Variants in CADM2 observed in about 807,000 individuals in gnomAD.
The protein encoded by CADM2 is immunoglobulin superfamily member 4D.
A neutral mutation model predicts 49.8 loss-of-function variants in CADM2; 12 were observed. The ratio of observed to expected loss-of-function variants is 0.24; its 90% CI spans 0.15 to 0.39. CADM2 has a LOEUF of 0.39. Ranked by LOEUF, CADM2 falls within the 10% of genes least tolerant of loss-of-function variation. The pLI is 1.00. For missense variants in CADM2, 378 were observed against 492.3 expected (o/e 0.77, Z 2.20); for synonymous variants, 214 against 175.4 (o/e 1.22, Z -1.74).
rs35485915 is a variant in CADM2 at position 85,427,160 on chromosome 3, C to CTATATATA, written c.62-299328_62-299321dup. ...AACATTACTCACTGATGTATTGGAA[C>CTATATATA]TATATATATATATATATATATATAT... On this transcript the variant is annotated intron_variant, in intron 1 of 9. Coordinates refer to ENST00000383699, the MANE Select transcript of CADM2 (RefSeq NM_001167675.2). Among the ~76,000 whole-genome samples, 120 of 113,666 alleles carry CTATATATA rather than the reference C, an allele frequency of 1.1e-3. 4 individuals are homozygous for CTATATATA. Among genetic ancestry groups the CTATATATA allele is most frequent in the African/African-American group, 2.6e-3 (54 of 20,462 alleles). 74.6% of individuals were successfully genotyped at this position (113,666 alleles called of 152,430 possible). A position where few individuals can be genotyped will look rare whatever the true frequency, so the allele number is the denominator to read the frequency against.
chr3:85,700,261 C>G (rs950307937), intron 1 of CADM2, among the ~76,000 whole-genome samples: 2 of 152,120 alleles, frequency 1.3e-5, no homozygotes, highest in African/African-American at 4.8e-5. Flanking sequence ...TGCATGTTCT[C>G]ACTCATAAAT....
At chr3:85,092,715 C>T (rs1158005834) in intron 1 of CADM2, among the ~76,000 whole-genome samples, 1 of 152,070 alleles carries the variant, frequency 6.6e-6, no homozygotes, top group African/African-American at 2.4e-5. Flanking sequence ...ATAGTTTGAT[C>T]CCCTTAATTC....
chr3:85,820,999 G>A lies in CADM2; in HGVS notation c.238+18803G>A, dbSNP rs909817763. On this transcript the variant is annotated intron_variant, in intron 3 of 9. Coordinates refer to ENST00000383699, the MANE Select transcript of CADM2 (RefSeq NM_001167675.2). ...TTCTGAAAAGCAGCGATAAAACTAC[G>A]TTGGCTATTGTTTGTCCTGCAGTTA... is the stretch of plus-strand genomic sequence containing the variant. Among the ~76,000 whole-genome samples, 5 of 152,144 alleles carry A rather than the reference G, an allele frequency of 3.3e-5. 1 individual carries two copies. The highest frequency in any genetic ancestry group is 4.1e-4 in the South Asian group (2 of 4,826).
intron 1 of CADM2, among the ~76,000 whole-genome samples, chr3:85,540,724 G>A (rs72909262): frequency 0.041 from 6,183 of 152,144 alleles, 420 homozygotes; most frequent in African/African-American, 0.14. Context: ...TCATCTACTA[G>A]GGTTCCCATA....
In CADM2 at chr3:85,495,907, T is replaced by G. The variant is rs146870527; in HGVS notation, c.62-230615T>G. 8.5e-4 allele frequency among the ~76,000 whole-genome samples: 129 copies of G among 152,224 alleles called. No homozygotes were observed. In the Middle Eastern group the frequency reaches 0.01, roughly 12 times the overall value. ...GCGCCAATCACGTTAGGAATTACAT[T>G]TCCACATGACAACTGGAACAAGTAT... On this transcript the variant is annotated intron_variant, in intron 1 of 9. Coordinates refer to ENST00000383699, the MANE Select transcript of CADM2 (RefSeq NM_001167675.2).
intron 8 of CADM2, among the ~76,000 whole-genome samples, chr3:85,964,925 G>A (rs995870764): frequency 1.3e-5 from 2 of 151,488 alleles, no homozygotes; most frequent in African/African-American, 4.8e-5. Flanking sequence ...ATTTACAATG[G>A]ATGATTATAT....
chr3:85,866,007 G>T (rs1358932194), intron 3 of CADM2, among the ~76,000 whole-genome samples: 1 of 152,062 alleles, frequency 6.6e-6, no homozygotes, highest in African/African-American at 2.4e-5. Context: ...AACAGAGGGA[G>T]CTGTAAGAAG....
intron 1 of CADM2, among the ~76,000 whole-genome samples, chr3:85,488,069 G>A (rs954548395): frequency 6.6e-6 from 1 of 152,180 alleles, no homozygotes; most frequent in Admixed American, 6.5e-5. Context: ...TTGTACACAA[G>A]TAAGGATATA....
chr3:85,327,589 C>CACACACAA (rs1553709186), intron 1 of CADM2, among the ~76,000 whole-genome samples: 1 of 115,214 alleles, frequency 8.7e-6, no homozygotes, highest in Non-Finnish European at 2.0e-5. Flanking sequence ...CACACACACA[C>CACACACAA]CACACACACA....
At chr3:84,988,508 T>C (rs1414650033) in intron 1 of CADM2, among the ~76,000 whole-genome samples, 3 of 152,232 alleles carry the variant, frequency 2.0e-5, no homozygotes, top group African/African-American at 7.2e-5. Context: ...CATCAGTAAA[T>C]TCAACTCTCA....
Position 85,040,319 on chromosome 3 carries a change from C to A in CADM2, c.61+80651C>A, listed in dbSNP as rs916296900. Among the ~76,000 whole-genome samples, 7 of 152,132 alleles carry A rather than the reference C, an allele frequency of 4.6e-5. No individual in the cohort carries two copies. In the South Asian group the frequency reaches 8.3e-4, roughly 18 times the overall value. ...TTAAATATGCCGTACTTGGAAGATC[C>A]TCTAAATAATTTATTTGTTCCTTGC... is the stretch of plus-strand genomic sequence containing the variant. On this transcript the variant is annotated intron_variant, in intron 1 of 9. Transcript: ENST00000383699.
At position 85,918,366 on chromosome 3, in the gene CADM2, G is replaced by T. The variant is rs147276756; in HGVS notation, c.700+5823G>T. 8.8e-3 allele frequency among the ~76,000 whole-genome samples: 1,339 copies of T among 152,250 alleles called. 14 individuals are homozygous for T. Among genetic ancestry groups the T allele is most frequent in the Middle Eastern group, 0.041 (12 of 294 alleles). On this transcript the variant is annotated intron_variant, in intron 6 of 9. Transcript: ENST00000383699. Reference sequence around the variant, plus strand: ...TTATTGTGAGTTTTTAACATGAAAGGTTGTTGAATTTTGTCAAAGGCCTTT... The same window carrying T: ...TTATTGTGAGTTTTTAACATGAAAGTTTGTTGAATTTTGTCAAAGGCCTTT...
chr3:85,211,562 T>C (rs1010851655), intron 1 of CADM2, among the ~76,000 whole-genome samples: 4 of 152,172 alleles, frequency 2.6e-5, no homozygotes, highest in Non-Finnish European at 5.9e-5. Context: ...CCCAAGAGTT[T>C]ACTAATTTCC....
chr3:85,809,790 C>CTCTCTCTCTCTCTCTT lies in CADM2; in HGVS notation c.238+7597_238+7598insCTCTCTCTCTCTTTCT, dbSNP rs1553690315. Among the ~76,000 whole-genome samples the CTCTCTCTCTCTCTCTT allele has an allele frequency of 2.3e-4, 23 of 98,946 alleles. 1 individual carries two copies. Among genetic ancestry groups the CTCTCTCTCTCTCTCTT allele is most frequent in the African/African-American group, 7.8e-4 (17 of 21,718 alleles). 64.9% of individuals were successfully genotyped at this position (98,946 alleles called of 152,430 possible). ...TCTCTCTCTCTCTCTCTCTCTCTCT[C>CTCTCTCTCTCTCTCTT]TCTTTCTTTCTTTCTTTCTTTCTGT... is the stretch of plus-strand genomic sequence containing the variant. On this transcript the variant is annotated intron_variant, in intron 3 of 9. Coordinates refer to ENST00000383699, the MANE Select transcript of CADM2 (RefSeq NM_001167675.2).
At chr3:85,847,876 G>T (rs985710747) in intron 3 of CADM2, among the ~76,000 whole-genome samples, 1 of 151,970 alleles carries the variant, frequency 6.6e-6, no homozygotes, top group Non-Finnish European at 1.5e-5. Flanking sequence ...ATCTACTGCC[G>T]TCCTTGGCTG....
chr3:85,426,553 G>T (rs1433231826), intron 1 of CADM2, among the ~76,000 whole-genome samples: 1 of 152,034 alleles, frequency 6.6e-6, no homozygotes, highest in Non-Finnish European at 1.5e-5. Flanking sequence ...TTTGATACAG[G>T]CATGTAATAA....
chr3:85,217,041 T>A (rs1439914740), intron 1 of CADM2, among the ~76,000 whole-genome samples: 1 of 151,924 alleles, frequency 6.6e-6, no homozygotes, highest in Non-Finnish European at 1.5e-5. Flanking sequence ...ACTATTAAGA[T>A]TCACTAATGA....
At chr3:85,886,035 C>T (rs960617299) in intron 4 of CADM2, among the ~76,000 whole-genome samples, 155 bp from the exon 5 acceptor site, 1 of 151,968 alleles carries the variant, frequency 6.6e-6, no homozygotes, top group African/African-American at 2.4e-5. Flanking sequence ...ATAACACACA[C>T]ATATGAAGCA....
At chr3:85,807,154 C>T (rs917815240) in intron 3 of CADM2, among the ~76,000 whole-genome samples, 5 of 152,138 alleles carry the variant, frequency 3.3e-5, no homozygotes, top group African/African-American at 9.7e-5. Context: ...TGGCAGCTTA[C>T]TTTTGTTAAA....
Sources: gnomAD v4.1 joint callset for allele counts (sites outside exome capture counted in the v4.1 genomes callset) on GRCh38, gnomAD v4.1.1 for gene constraint, MANE v1.5 for transcripts, NCBI Gene and HGNC (gene_info 2026-07-23, HGNC 2026-07-21) for gene names.